ZNF714: variants seen among roughly 807,000 people sequenced by gnomAD.
ZNF714 encodes zinc finger protein 714.
Under a neutral mutation model 46.2 loss-of-function variants are expected in ZNF714, and 32 were observed. The observed-to-expected ratio is 0.69, with a 90% CI of 0.52 to 0.93. ZNF714 has a LOEUF of 0.93. Ranked by LOEUF, ZNF714 falls within the 40% of genes least tolerant of loss-of-function variation. ZNF714 has a pLI of 0.00. For missense variants in ZNF714, 635 were observed against 646.3 expected (o/e 0.98, Z 0.19); for synonymous variants, 199 against 213.1 (o/e 0.93, Z 0.58).
chr19:21,098,988 T>TA, intron 4 of ZNF714, 78 bp downstream of exon 4: 2 of 847,890 alleles, frequency 2.4e-6, no homozygotes, highest in Non-Finnish European at 3.6e-6. Context: ...AGCCGGCCCT[T>TA]ACAATGTGAT....
In ZNF714 at chr19:21,116,030, A is replaced by C. The variant is rs933662456; in HGVS notation, c.143-777A>C. ...ATTTTTGATAGAACCATTTTGCCCT[A>C]TTTTGTATTCATTGTAATCTTTGAT... On this transcript the variant is annotated intron_variant, in intron 4 of 4. Coordinates refer to ENST00000456283, the MANE Select transcript of ZNF714 (RefSeq NM_182515.4). Among the ~76,000 whole-genome samples, 3 of 151,648 alleles carry C rather than the reference A, an allele frequency of 2.0e-5. No individual in the cohort carries two copies. In the South Asian group the frequency reaches 6.2e-4, roughly 31 times the overall value.
intron 2 of ZNF714, among the ~76,000 whole-genome samples, chr19:21,088,666 A>C (rs2012151310): frequency 1.3e-5 from 2 of 152,244 alleles, no homozygotes; most frequent in Non-Finnish European, 2.9e-5. Context: ...TATTTGATTT[A>C]AGCTCTTATT....
In ZNF714 at chr19:21,118,556, A is replaced by G. The variant is rs1969657073; in HGVS notation, c.*224A>G. On this transcript the variant is annotated 3_prime_UTR_variant, in exon 5 of 5. Transcript: ENST00000456283. ...CCAGTCCTCGAACCTTTTTAAGAAA[A>G]TAATTTATACTGGAGAGAAATTCTA... 2 of 287,420 alleles carry G rather than the reference A, an allele frequency of 7.0e-6. No homozygotes were observed. Among genetic ancestry groups the G allele is most frequent in the African/African-American group, 4.5e-5 (2 of 44,526 alleles). The allele number at this position is 287,420 out of a possible 1,614,324, so 17.8% of individuals were successfully genotyped here.
chr19:21,115,408 TA>T (rs1418403324), intron 4 of ZNF714, among the ~76,000 whole-genome samples: 1 of 152,048 alleles, frequency 6.6e-6, no homozygotes, highest in Non-Finnish European at 1.5e-5. Context: ...TTAATCGTAT[TA>T]TTTTCAGTAG....
chr19:21,084,727 C>T (rs1968735045), intron 2 of ZNF714, among the ~76,000 whole-genome samples: 1 of 125,184 alleles, frequency 8.0e-6, no homozygotes, highest in African/African-American at 3.2e-5. Context: ...TTTTTTGAGA[C>T]AGTTTCACTC....
intron 4 of ZNF714, among the ~76,000 whole-genome samples, chr19:21,108,666 C>T (rs1286456816): frequency 5.9e-5 from 9 of 152,202 alleles, no homozygotes; most frequent in Admixed American, 6.5e-5. Context: ...TGCTGTTACA[C>T]CCTTCTTGTA....
At chr19:21,116,085 GAC>G (rs1232435217) in intron 4 of ZNF714, among the ~76,000 whole-genome samples, 2 of 151,938 alleles carry the variant, frequency 1.3e-5, no homozygotes, top group Admixed American at 6.6e-5. Context: ...AAAGCTACCT[GAC>G]ACAGTTTTTA....
chr19:21,118,329 G>A lies in ZNF714; in HGVS notation c.1665G>A (p.Leu555=). 2.5e-6 allele frequency: 2 copies of A among 790,258 alleles called. No individual in the cohort carries two copies. Among genetic ancestry groups the A allele is most frequent in the Non-Finnish European group, 4.0e-6 (2 of 506,052 alleles). The allele number at this position is 790,258 out of a possible 1,614,324, so 49.0% of individuals were successfully genotyped here. The change falls in exon 5 of 5, where the codon CTG becomes CTA. Residue 555 remains leucine, a synonymous_variant. Transcript: ENST00000456283. The part of the protein sequence containing the change: ...QKFAGCGGRR[L] ...TTGCTGGGTGTGGTGGCAGGCGCCTGTAATCCCAGCTACTTGGGAGGCAGA... is the reference window on the plus strand; with the variant it reads ...TTGCTGGGTGTGGTGGCAGGCGCCTATAATCCCAGCTACTTGGGAGGCAGA...
At chr19:21,099,368 C>T (rs1969118243) in intron 4 of ZNF714, among the ~76,000 whole-genome samples, 2 of 151,904 alleles carry the variant, frequency 1.3e-5, no homozygotes, top group African/African-American at 2.4e-5. Flanking sequence ...TTAGTAGAGA[C>T]GGGTTTTTAC....
At chr19:21,094,928 T>C (rs1969001725) in intron 2 of ZNF714, among the ~76,000 whole-genome samples, 1 of 152,224 alleles carries the variant, frequency 6.6e-6, no homozygotes, top group Non-Finnish European at 1.5e-5. Flanking sequence ...TTTTTGCACA[T>C]GCTTGTTAGC....
chr19:21,100,440 G>A (rs920111323), intron 4 of ZNF714, among the ~76,000 whole-genome samples: 1 of 151,920 alleles, frequency 6.6e-6, no homozygotes, highest in African/African-American at 2.4e-5. Context: ...GCTAAGGCAG[G>A]AGAATCGCTT....
chr19:21,118,315 G>T lies in ZNF714; in HGVS notation c.1651G>T (p.Gly551Cys). The part of the protein sequence containing the change: ...LLKIQKFAGC[G>C]GRRL ...AAAAATACAAAAATTTGCTGGGTGT[G>T]GTGGCAGGCGCCTGTAATCCCAGCT... Residue 551 changes from glycine (G) to cysteine (C), a missense_variant, in exon 5 of 5, where the codon GGT (glycine) becomes TGT (cysteine). By Grantham distance (159) the Gly-to-Cys change is radical (BLOSUM62 -3). Coordinates refer to ENST00000456283, the MANE Select transcript of ZNF714 (RefSeq NM_182515.4). The T allele has an allele frequency of 1.1e-6, 1 of 909,662 alleles. No individual in the cohort carries two copies. 56.3% of individuals were successfully genotyped at this position (909,662 alleles called of 1,614,324 possible). A position where few individuals can be genotyped will look rare whatever the true frequency, so the allele number is the denominator to read the frequency against.
Position 21,118,025 on chromosome 19 carries a change from A to T in ZNF714, c.1361A>T (p.Lys454Ile), listed in dbSNP as rs779539422. ...KRIHTGEKPY[K>I]CEECGKAFNR... ...ATTCACACTGGAGAGAAACCCTACA[A>T]ATGTGAAGAATGTGGCAAAGCTTTC... Residue 454 changes from lysine to isoleucine, a missense_variant, in exon 5 of 5, where the codon AAA (lysine) becomes ATA (isoleucine). Physicochemically the swap from Lys to Ile is moderately radical, Grantham distance 102. Transcript: ENST00000456283. 9 of 1,613,890 alleles carry T rather than the reference A, an allele frequency of 5.6e-6. No individual in the cohort carries two copies. The highest frequency in any genetic ancestry group is 1.7e-4 in the Middle Eastern group (1 of 6,060).
chr19:21,099,426 C>T (rs1227613459), intron 4 of ZNF714, among the ~76,000 whole-genome samples: 1 of 150,970 alleles, frequency 6.6e-6, no homozygotes, highest in Non-Finnish European at 1.5e-5. Flanking sequence ...GTGATCTGCG[C>T]ACCTAGGCCT....
intron 2 of ZNF714, among the ~76,000 whole-genome samples, chr19:21,095,063 A>T (rs1269843422): frequency 6.6e-6 from 1 of 152,040 alleles, no homozygotes; most frequent in African/African-American, 2.4e-5. Context: ...CTTTGTCAGG[A>T]ACATAGTTTG....
intron 2 of ZNF714, among the ~76,000 whole-genome samples, chr19:21,087,979 A>G (rs979998487): frequency 4.6e-5 from 7 of 152,202 alleles, no homozygotes; most frequent in African/African-American, 1.7e-4. Context: ...TAAGTAAAGG[A>G]TTTTAATTAC....
At chr19:21,092,069 C>T (rs1968921434) in intron 2 of ZNF714, among the ~76,000 whole-genome samples, 1 of 151,992 alleles carries the variant, frequency 6.6e-6, no homozygotes, top group Admixed American at 6.6e-5. Context: ...TGGAATAAAA[C>T]TCTTGGTATC....
rs562962607 is a variant in ZNF714, at chr19:21,124,336, CATA to C, written c.*6008_*6010del. On this transcript the variant is annotated 3_prime_UTR_variant, in exon 5 of 5. Coordinates refer to ENST00000456283, the MANE Select transcript of ZNF714 (RefSeq NM_182515.4). ...AAAAATGTGTACTTTTTCTGTAGAACATAATATTTTGAACATGCTGTTAAATAT... is the reference window on the plus strand; with the variant it reads ...AAAAATGTGTACTTTTTCTGTAGAACATATTTTGAACATGCTGTTAAATAT... 6.6e-5 allele frequency: 10 copies of C among 152,172 alleles called. No individual in the cohort carries two copies. The highest frequency in any genetic ancestry group is 2.2e-4 in the African/African-American group (9 of 41,494). The allele number at this position is 152,172 out of a possible 1,614,324, so 9.4% of individuals were successfully genotyped here.
chr19:21,124,067 C>T lies in ZNF714; in HGVS notation c.*5735C>T, dbSNP rs748684681. On this transcript the variant is annotated 3_prime_UTR_variant, in exon 5 of 5. Coordinates refer to ENST00000456283, the MANE Select transcript of ZNF714 (RefSeq NM_182515.4). ...GCTTTCATACCATTACCACCAGTAC[C>T]AGAAACTCCAGGTGGCCCAAGCTTA... The T allele has an allele frequency of 6.6e-6, 1 of 152,174 alleles. No homozygotes were observed. The highest frequency in any genetic ancestry group is 1.5e-5 in the Non-Finnish European group (1 of 68,030). The allele number at this position is 152,174 out of a possible 1,614,324, so 9.4% of individuals were successfully genotyped here.
Sources: allele counts gnomAD v4.1 joint callset (sites outside exome capture counted in the v4.1 genomes callset), GRCh38; gene constraint gnomAD v4.1.1; transcripts MANE v1.5; gene names NCBI Gene and HGNC (gene_info 2026-07-23, HGNC 2026-07-21).